FBLN1: variants seen among roughly 807,000 people sequenced by gnomAD.
FBLN1 encodes the protein fibulin-1.
Under a neutral mutation model 89.7 loss-of-function variants are expected in FBLN1, and 34 were observed. The ratio of observed to expected loss-of-function variants is 0.38; its 90% CI spans 0.29 to 0.50. FBLN1 has a LOEUF of 0.50. FBLN1 is among the 20% of genes least tolerant of loss of function. The pLI is 0.92. For synonymous variants in FBLN1, 393 were observed against 391.3 expected, an observed-to-expected ratio of 1.00 and a Z score of -0.05; for missense variants, 777 against 988.1, an observed-to-expected ratio of 0.79 and a Z score of 2.86.
Position 45,563,457 on chromosome 22 carries a change from C to T in FBLN1, c.1698-11054C>T, listed in dbSNP as rs5765475. 728,725 of 1,266,424 alleles carry T rather than the reference C, an allele frequency of 0.58. 211,308 individuals carry two copies. Among genetic ancestry groups the T allele is most frequent in the African/African-American group, 0.75 (50,412 of 66,894 alleles). 78.4% of individuals were successfully genotyped at this position (1,266,424 alleles called of 1,614,324 possible). ...GGCACTGGCCACCGCCTGGTACCCC[C>T]GAGGGCTGACTGAGGAGCGCTCCCC... On this transcript the variant is annotated intron_variant, in intron 14 of 16. Coordinates refer to ENST00000327858, the MANE Select transcript of FBLN1 (RefSeq NM_006486.3). The surrounding 1 kb of genome is among the most constrained non-coding windows in gnomAD (Gnocchi z 5.7).
chr22:45,550,454 C>T lies in FBLN1; in HGVS notation c.1574-38C>T, dbSNP rs1427011842. ...CTCCAGATGGGTATGGCTCCTGCAG[C>T]CTCTGCCTTCACTGTGCTGCTGTGG... On this transcript the variant is annotated intron_variant, in intron 13 of 16. Coordinates refer to ENST00000327858, the MANE Select transcript of FBLN1 (RefSeq NM_006486.3). The surrounding 1 kb of genome is among the most constrained non-coding windows in gnomAD (Gnocchi z 8.4). The T allele has an allele frequency of 1.2e-6, 2 of 1,613,222 alleles. No homozygotes were observed.
Position 45,577,557 on chromosome 22 carries a change from G to A in FBLN1, c.1972+449G>A, listed in dbSNP as rs541886232. 3.9e-5 allele frequency among the ~76,000 whole-genome samples: 6 copies of A among 152,364 alleles called. No homozygotes were observed. The highest frequency in any genetic ancestry group is 4.1e-4 in the South Asian group (2 of 4,832). On this transcript the variant is annotated intron_variant, in intron 16 of 16. Coordinates refer to ENST00000327858, the MANE Select transcript of FBLN1 (RefSeq NM_006486.3). This position sits in a 1 kb window ranked among gnomAD's most constrained non-coding sequence, Gnocchi z 6.6. ...TAGGAATCAGAGGGCCTGAGCTCTG[G>A]TCTCTCAGCCTTGGAACTAGCTGGA...
chr22:45,593,107 C>T (rs547282484), intron 16 of FBLN1, among the ~76,000 whole-genome samples: 2 of 152,132 alleles, frequency 1.3e-5, no homozygotes, highest in Admixed American at 1.3e-4. Flanking sequence ...CTCTAGGTCT[C>T]TTTATAAACC....
In FBLN1 at chr22:45,543,429, G is replaced by T. The variant is rs771856047; in HGVS notation, c.1224G>T (p.Gly408=). The T allele has an allele frequency of 1.2e-6, 2 of 1,613,558 alleles. No individual in the cohort carries two copies. The highest frequency in any genetic ancestry group is 1.1e-5 in the South Asian group (1 of 91,072). The stretch of plus-strand genomic sequence containing the variant: ...TCAACGAGTGCCAGCGCTACCCCGG[G>T]CGCCTGTGTGGCCACAAGTGCGAGA... The part of the protein sequence containing the change: ...VDVNECQRYP[G]RLCGHKCENT... Residue 408 remains glycine (G), a synonymous_variant, in exon 11 of 17, where the codon GGG becomes GGT. Coordinates refer to ENST00000327858, the MANE Select transcript of FBLN1 (RefSeq NM_006486.3).
chr22:45,514,526 C>T (rs1474854613), intron 1 of FBLN1, among the ~76,000 whole-genome samples: 8 of 152,226 alleles, frequency 5.3e-5, no homozygotes, highest in Non-Finnish European at 4.4e-5. Context: ...TTCTAACCAG[C>T]CCCGTATTTT....
chr22:45,535,446 G>A lies in FBLN1; in HGVS notation c.922+109G>A. The A allele has an allele frequency of 5.8e-6, 8 of 1,369,344 alleles. No homozygotes were observed. In the South Asian group the frequency reaches 8.6e-5, roughly 15 times the overall value. The allele number at this position is 1,369,344 out of a possible 1,614,324, so 84.8% of individuals were successfully genotyped here. A position where few individuals can be genotyped will look rare whatever the true frequency, so the allele number is the denominator to read the frequency against. ...GGGCCGCATGGTATACAGAACAGGG[G>A]TTGGCAAACTTTTTGTGTAAAGGGC... On this transcript the variant is annotated intron_variant, in intron 8 of 16. Coordinates refer to ENST00000327858, the MANE Select transcript of FBLN1 (RefSeq NM_006486.3).
chr22:45,515,103 T>C (rs2146945793), intron 1 of FBLN1, among the ~76,000 whole-genome samples: 1 of 151,982 alleles, frequency 6.6e-6, no homozygotes. Context: ...GGTTGAGGAG[T>C]GAGAGCCGGT....
rs2089107065 is a variant in FBLN1, at chr22:45,588,479, C to G, written c.1972+11371C>G. ...CAGGGGTTTATTCGTGCAAGGCTAC[C>G]CTCTGTCACCCTGTTTGTCCTTGCT... is the stretch of plus-strand genomic sequence containing the variant. On this transcript the variant is annotated intron_variant, in intron 16 of 16. Transcript: ENST00000327858. This position sits in a 1 kb window ranked among gnomAD's most constrained non-coding sequence, Gnocchi z 5.1. 6.6e-6 allele frequency among the ~76,000 whole-genome samples: 1 copy of G among 152,148 alleles called. No individual in the cohort carries two copies. Among genetic ancestry groups the G allele is most frequent in the African/African-American group, 2.4e-5 (1 of 41,426 alleles).
rs1052412979 is a variant in FBLN1, at chr22:45,518,886, T to C, written c.185+99T>C. On this transcript the variant is annotated intron_variant, in intron 2 of 16. Transcript: ENST00000327858. ...GTGTGCCAGACCTCTCGGGAGAGGC[T>C]GGACACCCAGGCCCGGATCCATCCA... The C allele has an allele frequency of 9.9e-6, 11 of 1,108,208 alleles. No homozygotes were observed. In the African/African-American group the frequency reaches 1.5e-4, roughly 16 times the overall value. The allele number at this position is 1,108,208 out of a possible 1,614,324, so 68.6% of individuals were successfully genotyped here. A position where few individuals can be genotyped will look rare whatever the true frequency, so the allele number is the denominator to read the frequency against.
chr22:45,543,550 C>T (rs1394246070), intron 11 of FBLN1, 24 bp downstream of exon 11: 4 of 1,610,360 alleles, frequency 2.5e-6, no homozygotes, highest in African/African-American at 2.7e-5. Flanking sequence ...CCCGTCCACT[C>T]ACCTCCCCCA....
intron 14 of FBLN1, among the ~76,000 whole-genome samples, chr22:45,551,520 C>T (rs550582749): frequency 3.2e-4 from 49 of 152,386 alleles, no homozygotes; most frequent in African/African-American, 1.2e-3. Context: ...ACCCGAGCAG[C>T]CCCGTTGTCC....
rs1044103590 is a variant in FBLN1 at position 45,530,172 on chromosome 22, G to A, written c.485-1093G>A. ...TCAAGAGGGATTGGGGCCGCATTCT[G>A]CCTCATTCCTTGGCTTTTGAAATCA... On this transcript the variant is annotated intron_variant, in intron 4 of 16. Transcript: ENST00000327858. The surrounding 1 kb of genome is among the most constrained non-coding windows in gnomAD (Gnocchi z 5.4). Among the ~76,000 whole-genome samples the A allele has an allele frequency of 7.2e-5, 11 of 152,020 alleles. No individual in the cohort carries two copies. The highest frequency in any genetic ancestry group is 1.0e-4 in the Non-Finnish European group (7 of 68,018).
chr22:45,540,175 C>T (rs1202713847), intron 8 of FBLN1, among the ~76,000 whole-genome samples: 1 of 152,200 alleles, frequency 6.6e-6, no homozygotes, highest in East Asian at 1.9e-4. Flanking sequence ...GCAGGAGACC[C>T]TGATTCTAGA....
intron 7 of FBLN1, among the ~76,000 whole-genome samples, chr22:45,534,601 G>A (rs1284876928): frequency 6.6e-6 from 1 of 152,202 alleles, no homozygotes; most frequent in Non-Finnish European, 1.5e-5. Context: ...TGACTTCAAA[G>A]CATGGCACAC....
At chr22:45,520,276 G>A (rs780232930) in intron 2 of FBLN1, among the ~76,000 whole-genome samples, 4 of 152,142 alleles carry the variant, frequency 2.6e-5, no homozygotes, top group Non-Finnish European at 5.9e-5. Context: ...GAGTATAAGG[G>A]GCAGGGTGGC....
rs182087148 is a variant in FBLN1 at position 45,588,467 on chromosome 22, G to T, written c.1972+11359G>T. Among the ~76,000 whole-genome samples the T allele has an allele frequency of 8.2e-4, 125 of 152,244 alleles. No homozygotes were observed. The highest frequency in any genetic ancestry group is 1.4e-3 in the Non-Finnish European group (95 of 68,018). ...CAGAAGAGCCTCCAGGGGTTTATTCGTGCAAGGCTACCCTCTGTCACCCTG... is the reference window on the plus strand; with the variant it reads ...CAGAAGAGCCTCCAGGGGTTTATTCTTGCAAGGCTACCCTCTGTCACCCTG... On this transcript the variant is annotated intron_variant, in intron 16 of 16. Transcript: ENST00000327858. The surrounding 1 kb of genome is among the most constrained non-coding windows in gnomAD (Gnocchi z 5.1).
In FBLN1 at chr22:45,546,502, C is replaced by A. The variant is rs146810700; in HGVS notation, c.1322-583C>A. Among the ~76,000 whole-genome samples the A allele has an allele frequency of 1.8e-3, 270 of 152,384 alleles. 10 individuals carry two copies. The South Asian group carries it at 0.049, about 28-fold the overall frequency. ...GTGCTGGAATTACAGGCATGAGCCA[C>A]CATGCCTTGCCGGGCTGTGTTCTAA... On this transcript the variant is annotated intron_variant, in intron 11 of 16. Coordinates refer to ENST00000327858, the MANE Select transcript of FBLN1 (RefSeq NM_006486.3).
rs1411175182 is a variant in FBLN1 at position 45,562,849 on chromosome 22, G to A, written c.1698-11662G>A. ...CAGCCCCGCATCCCCGCGCTCTGCC[G>A]TTTCTCCGCTTGCTGGACCGGCCCT... is the stretch of plus-strand genomic sequence containing the variant. On this transcript the variant is annotated intron_variant, in intron 14 of 16. Transcript: ENST00000327858. The surrounding 1 kb of genome is among the most constrained non-coding windows in gnomAD (Gnocchi z 7.8). The A allele has an allele frequency of 1.4e-5, 22 of 1,541,494 alleles. No homozygotes were observed. Among genetic ancestry groups the A allele is most frequent in the South Asian group, 6.7e-5 (6 of 89,804 alleles).
chr22:45,509,414 A>T (rs954848285), intron 1 of FBLN1, among the ~76,000 whole-genome samples: 2 of 152,258 alleles, frequency 1.3e-5, no homozygotes, highest in East Asian at 3.9e-4. Flanking sequence ...TCCATGACAG[A>T]TGCTGGGAAC....
Sources: gnomAD v4.1 joint callset for allele counts (sites outside exome capture counted in the v4.1 genomes callset) on GRCh38, gnomAD v4.1.1 for gene constraint, Gnocchi (gnomAD v3.1) non-coding constraint, MANE v1.5 for transcripts, NCBI Gene and HGNC (gene_info 2026-07-23, HGNC 2026-07-21) for gene names.